AUTS2: variants seen among roughly 807,000 people sequenced by gnomAD.
The protein encoded by AUTS2 is activator of transcription and developmental regulator AUTS2.
In AUTS2, 17 loss-of-function variants were observed where a neutral mutation model predicts 112.4. That is an observed-to-expected ratio of 0.15 (90% CI 0.10 to 0.23). AUTS2 has a LOEUF of 0.23. Ranked by LOEUF, AUTS2 falls within the 10% of genes least tolerant of loss-of-function variation. The probability of loss-of-function intolerance (pLI) is 1.00; values close to 1 mark genes in which losing one functional copy is unlikely to be tolerated. For missense variants in AUTS2, 1,510 were observed against 1,701.6 expected, an observed-to-expected ratio of 0.89 and a Z score of 1.98; for synonymous variants, 751 against 702.7, an observed-to-expected ratio of 1.07 and a Z score of -1.09.
intron 1 of AUTS2, among the ~76,000 whole-genome samples, chr7:69,878,992 C>T (rs2129537222): frequency 6.6e-6 from 1 of 152,258 alleles, no homozygotes; most frequent in Non-Finnish European, 1.5e-5. Context: ...GTTCACTCAC[C>T]GTTGTGCTTT....
At chr7:70,080,565 A>G (rs1803252059) in intron 2 of AUTS2, among the ~76,000 whole-genome samples, 1 of 152,228 alleles carries the variant, frequency 6.6e-6, no homozygotes. Flanking sequence ...CTTGCTATAC[A>G]TGATTTATAT....
chr7:69,782,745 C>T (rs1435757906), intron 1 of AUTS2, among the ~76,000 whole-genome samples: 1 of 151,934 alleles, frequency 6.6e-6, no homozygotes, highest in African/African-American at 2.4e-5. Context: ...TGGGAAGGAG[C>T]AATATGTTAT....
chr7:69,907,134 A>G (rs180792893), intron 2 of AUTS2, among the ~76,000 whole-genome samples: 4 of 152,184 alleles, frequency 2.6e-5, no homozygotes, highest in African/African-American at 4.8e-5. Context: ...CAAAACACCT[A>G]TTTGTCTGGA....
At chr7:70,491,047 G>A (rs1328349876) in intron 5 of AUTS2, among the ~76,000 whole-genome samples, 4 of 152,148 alleles carry the variant, frequency 2.6e-5, no homozygotes, top group South Asian at 2.1e-4. Context: ...TCACAGGACC[G>A]GCACCTGTCA....
intron 2 of AUTS2, among the ~76,000 whole-genome samples, chr7:69,951,534 G>A (rs1439419216): frequency 1.3e-5 from 2 of 152,156 alleles, no homozygotes; most frequent in African/African-American, 2.4e-5. Flanking sequence ...GAAGCCATCC[G>A]TTTTGCATTT....
At chr7:70,218,802 C>A (rs549758026) in intron 4 of AUTS2, among the ~76,000 whole-genome samples, 1 of 152,276 alleles carries the variant, frequency 6.6e-6, no homozygotes, top group East Asian at 1.9e-4. Context: ...CTCTGATAGC[C>A]ACCTGACCAT....
chr7:70,272,490 T>G (rs988169598), intron 4 of AUTS2, among the ~76,000 whole-genome samples: 4 of 152,138 alleles, frequency 2.6e-5, no homozygotes, highest in Non-Finnish European at 5.9e-5. Context: ...TCCCATCGCT[T>G]CTTTTGGTGG....
chr7:69,626,407 C>T (rs2129097758), intron 1 of AUTS2, among the ~76,000 whole-genome samples: 1 of 152,250 alleles, frequency 6.6e-6, no homozygotes, highest in South Asian at 2.1e-4. Context: ...GCCGTGTCCA[C>T]AGTCCCCACA....
intron 5 of AUTS2, among the ~76,000 whole-genome samples, chr7:70,500,181 A>C (rs1430359779): frequency 3.3e-5 from 5 of 151,882 alleles, no homozygotes; most frequent in South Asian, 2.1e-4. Context: ...TCAAAAAAAA[A>C]AAAAAACAAA....
chr7:69,966,111 C>T (rs1165782689), intron 2 of AUTS2, among the ~76,000 whole-genome samples: 2 of 152,128 alleles, frequency 1.3e-5, no homozygotes, highest in Non-Finnish European at 2.9e-5. Flanking sequence ...GCTTCTTTTT[C>T]CATGAGGACA....
intron 2 of AUTS2, among the ~76,000 whole-genome samples, chr7:70,027,726 T>G (rs1192893367): frequency 7.2e-5 from 11 of 152,240 alleles, no homozygotes; most frequent in Non-Finnish European, 2.9e-5. Flanking sequence ...AATAGGATTA[T>G]CATTAGTTTA....
At chr7:69,687,335 T>C (rs566020808) in intron 1 of AUTS2, among the ~76,000 whole-genome samples, 2 of 152,344 alleles carry the variant, frequency 1.3e-5, no homozygotes, top group South Asian at 2.1e-4. Flanking sequence ...TTCTGGAGAA[T>C]TGTGAGAATT....
chr7:70,133,381 A>G (rs886906938), intron 3 of AUTS2, among the ~76,000 whole-genome samples: 9 of 152,174 alleles, frequency 5.9e-5, no homozygotes, highest in South Asian at 4.1e-4. Context: ...CATTCATTCA[A>G]TAAGTCCTTA....
intron 1 of AUTS2, among the ~76,000 whole-genome samples, chr7:69,808,031 C>G (rs1320630335): frequency 1.3e-5 from 2 of 149,108 alleles, no homozygotes; most frequent in Admixed American, 6.8e-5. Context: ...AAGCAGTTCT[C>G]CTACCTCAGC....
rs190165805 is a variant in AUTS2, at chr7:70,005,787, C to T, written c.522+106289C>T. ...GAGATTCCCAAATGTGATCTGTGACCTCAAAATTGAAAATTTTAGTTAGTG... is the reference window on the plus strand; with the variant it reads ...GAGATTCCCAAATGTGATCTGTGACTTCAAAATTGAAAATTTTAGTTAGTG... On this transcript the variant is annotated intron_variant, in intron 2 of 18. Transcript: ENST00000342771. 7.2e-5 allele frequency among the ~76,000 whole-genome samples: 11 copies of T among 152,222 alleles called. No individual in the cohort carries two copies. The East Asian group carries it at 1.9e-3, about 27-fold the overall frequency.
chr7:70,110,807 G>C (rs967244978), intron 2 of AUTS2, among the ~76,000 whole-genome samples: 1 of 148,784 alleles, frequency 6.7e-6, no homozygotes, highest in Non-Finnish European at 1.5e-5. Flanking sequence ...AATTGCATTA[G>C]AGTGACTTTA....
At chr7:70,460,665 G>A (rs1352912841) in intron 5 of AUTS2, among the ~76,000 whole-genome samples, 1 of 152,114 alleles carries the variant, frequency 6.6e-6, no homozygotes, top group African/African-American at 2.4e-5. Context: ...TGGTCTTAGA[G>A]TGGGGTCAGC....
intron 1 of AUTS2, among the ~76,000 whole-genome samples, chr7:69,766,229 T>C (rs570180645): frequency 2.1e-4 from 32 of 152,354 alleles, no homozygotes; most frequent in African/African-American, 7.5e-4. Flanking sequence ...CTAGTTTATT[T>C]TACTTAACAT....
intron 4 of AUTS2, among the ~76,000 whole-genome samples, chr7:70,238,508 TA>T (rs1189384738): frequency 2.6e-5 from 4 of 152,172 alleles, no homozygotes; most frequent in African/African-American, 9.7e-5. Context: ...GTCCTCTCTC[TA>T]ACTTTAAGAG....
Sources: gnomAD v4.1 joint callset for allele counts (sites outside exome capture counted in the v4.1 genomes callset) on GRCh38, gnomAD v4.1.1 for gene constraint, MANE v1.5 for transcripts, NCBI Gene and HGNC (gene_info 2026-07-23, HGNC 2026-07-21) for gene names.